Variants in SNTG1 observed in about 807,000 individuals in gnomAD.
SNTG1 encodes the protein syntrophin gamma 1.
A neutral mutation model predicts 74.7 loss-of-function variants in SNTG1; 39 were observed. The observed-to-expected ratio is 0.52, with a 90% CI of 0.40 to 0.68. The LOEUF (loss-of-function observed/expected upper bound fraction) is 0.68, where lower values mean the gene tolerates loss of function less well. Ranked by LOEUF, SNTG1 falls within the 30% of genes least tolerant of loss-of-function variation. SNTG1 has a pLI of 0.00. For missense variants in SNTG1, 685 were observed against 609.5 expected, an observed-to-expected ratio of 1.12 and a Z score of -1.30; for synonymous variants, 254 against 217.1, an observed-to-expected ratio of 1.17 and a Z score of -1.49.
intron 8 of SNTG1, among the ~76,000 whole-genome samples, chr8:50,460,433 T>C (rs761511252): frequency 3.3e-5 from 5 of 152,178 alleles, no homozygotes; most frequent in Non-Finnish European, 7.3e-5. Context: ...ATTCCGTAGG[T>C]TGTATGTATA....
chr8:50,230,349 ATATTAC>A (rs936483392), intron 2 of SNTG1, among the ~76,000 whole-genome samples: 3 of 151,326 alleles, frequency 2.0e-5, no homozygotes, highest in African/African-American at 7.2e-5. Context: ...TAAATTACCA[ATATTAC>A]TATGAAAGAA....
chr8:50,769,133 C>A (rs1489079635), intron 18 of SNTG1, among the ~76,000 whole-genome samples: 8 of 150,602 alleles, frequency 5.3e-5, no homozygotes, highest in Non-Finnish European at 1.0e-4. Context: ...ATTTCTCTAC[C>A]CGTTTGTGTT....
chr8:50,776,545 T>C (rs2095641450), intron 18 of SNTG1, among the ~76,000 whole-genome samples: 1 of 148,560 alleles, frequency 6.7e-6, no homozygotes, highest in Non-Finnish European at 1.5e-5. Flanking sequence ...CTATTCTTTA[T>C]ATAATATTTT....
intron 2 of SNTG1, among the ~76,000 whole-genome samples, chr8:50,262,599 C>T (rs375715822): frequency 2.6e-5 from 4 of 151,968 alleles, no homozygotes; most frequent in Non-Finnish European, 5.9e-5. Context: ...TTAGTAGAGA[C>T]GGGGTTTCAC....
In SNTG1 at chr8:50,487,229, C is replaced by T. The variant is rs536586599; in HGVS notation, c.364-15549C>T. On this transcript the variant is annotated intron_variant, in intron 8 of 18. Transcript: ENST00000642720. Reference sequence around the variant, plus strand: ...ATGTGGAGAAATAGGAACACTTTTACACTGTTGGTGGGACTGTAAACTAGT... The same window carrying T: ...ATGTGGAGAAATAGGAACACTTTTATACTGTTGGTGGGACTGTAAACTAGT... Among the ~76,000 whole-genome samples the T allele has an allele frequency of 2.9e-3, 446 of 152,310 alleles. 1 individual carries two copies. Among genetic ancestry groups the T allele is most frequent in the Non-Finnish European group, 4.9e-3 (335 of 68,034 alleles).
intron 1 of SNTG1, among the ~76,000 whole-genome samples, chr8:49,920,360 G>T (rs1237440588): frequency 6.6e-6 from 1 of 151,940 alleles, no homozygotes; most frequent in Admixed American, 6.6e-5. Context: ...TTTCATTCCT[G>T]TTTTGCAAAT....
At chr8:50,776,393 C>A (rs1585764093) in intron 18 of SNTG1, among the ~76,000 whole-genome samples, 1 of 146,726 alleles carries the variant, frequency 6.8e-6, no homozygotes, top group Admixed American at 6.8e-5. Context: ...TTATATTTTA[C>A]ATTTTATAAT....
rs147528628 is a variant in SNTG1, at chr8:50,777,234, T to C, written c.1396-15437T>C. On this transcript the variant is annotated intron_variant, in intron 18 of 18. Coordinates refer to ENST00000642720, the MANE Select transcript of SNTG1 (RefSeq NM_018967.5). Reference sequence around the variant, plus strand: ...CATGAATAGCATATATATATATATATAATAATATAATATATATAATATATA... The same window carrying C: ...CATGAATAGCATATATATATATATACAATAATATAATATATATAATATATA... 5.1e-3 allele frequency among the ~76,000 whole-genome samples: 748 copies of C among 147,114 alleles called. 13 individuals are homozygous for C. The highest frequency in any genetic ancestry group is 0.011 in the Middle Eastern group (3 of 280).
chr8:50,660,011 T>C (rs1187981061), intron 15 of SNTG1, among the ~76,000 whole-genome samples: 1 of 152,030 alleles, frequency 6.6e-6, no homozygotes, highest in Non-Finnish European at 1.5e-5. Flanking sequence ...AGCTAACTTT[T>C]TGCATTTTAG....
At chr8:50,039,399 G>A (rs1345974195) in intron 1 of SNTG1, among the ~76,000 whole-genome samples, 1 of 145,172 alleles carries the variant, frequency 6.9e-6, no homozygotes. Flanking sequence ...AGCTTGCAGT[G>A]AGCCGAGATC....
chr8:50,067,555 T>C (rs1379950648), intron 1 of SNTG1, among the ~76,000 whole-genome samples: 1 of 152,232 alleles, frequency 6.6e-6, no homozygotes, highest in Non-Finnish European at 1.5e-5. Context: ...TTAAACCTTT[T>C]TTAGTCTTCC....
At chr8:50,712,844 T>A (rs1378484363) in intron 17 of SNTG1, among the ~76,000 whole-genome samples, 2 of 152,304 alleles carry the variant, frequency 1.3e-5, no homozygotes, top group East Asian at 3.9e-4. Flanking sequence ...TCATCCTTTT[T>A]TATGGCTGCA....
chr8:50,154,041 T>A (rs1027126565), intron 1 of SNTG1, among the ~76,000 whole-genome samples: 7 of 152,142 alleles, frequency 4.6e-5, no homozygotes, highest in Admixed American at 1.3e-4. Flanking sequence ...TGAGCTGAGG[T>A]GGGCTCCACC....
chr8:49,979,417 C>T (rs1812477846), intron 1 of SNTG1, among the ~76,000 whole-genome samples: 1 of 152,212 alleles, frequency 6.6e-6, no homozygotes. Context: ...AAGTGTGTGG[C>T]TTTAAGTCAG....
At chr8:50,567,157 T>C (rs890708941) in intron 12 of SNTG1, among the ~76,000 whole-genome samples, 1 of 152,056 alleles carries the variant, frequency 6.6e-6, no homozygotes, top group Non-Finnish European at 1.5e-5. Flanking sequence ...TGTGGCATCT[T>C]AAGCAGCTAT....
At chr8:50,206,114 G>T (rs1194535324) in intron 2 of SNTG1, among the ~76,000 whole-genome samples, 1 of 152,158 alleles carries the variant, frequency 6.6e-6, no homozygotes, top group Admixed American at 6.5e-5. Context: ...GAAAGTCATT[G>T]GTAGCTTGAT....
intron 2 of SNTG1, among the ~76,000 whole-genome samples, chr8:50,296,093 C>G (rs1321818249): frequency 6.6e-6 from 1 of 151,948 alleles, no homozygotes; most frequent in Non-Finnish European, 1.5e-5. Context: ...TCACAGCTCC[C>G]CAGGAGAGAT....
At chr8:50,564,354 A>G (rs894251969) in intron 12 of SNTG1, among the ~76,000 whole-genome samples, 3 of 152,172 alleles carry the variant, frequency 2.0e-5, no homozygotes, top group Non-Finnish European at 4.4e-5. Flanking sequence ...ATAAACATAT[A>G]TAGAAAACAA....
Position 49,914,264 on chromosome 8 carries a change from C to T in SNTG1, c.-103+2033C>T, listed in dbSNP as rs1188430269. ...TTTATTAAGGGATATCTGTACCCCA[C>T]TAAGGGCATCTATTTGCTTTGATAG... is the stretch of plus-strand genomic sequence containing the variant. On this transcript the variant is annotated intron_variant, in intron 1 of 18. Coordinates refer to ENST00000642720, the MANE Select transcript of SNTG1 (RefSeq NM_018967.5). Among the ~76,000 whole-genome samples, 12 of 151,810 alleles carry T rather than the reference C, an allele frequency of 7.9e-5. No homozygotes were observed. In the East Asian group the frequency reaches 2.3e-3, roughly 29 times the overall value.
Sources: gnomAD v4.1 joint callset for allele counts (sites outside exome capture counted in the v4.1 genomes callset) on GRCh38, gnomAD v4.1.1 for gene constraint, MANE v1.5 for transcripts, NCBI Gene and HGNC (gene_info 2026-07-23, HGNC 2026-07-21) for gene names.